COL17A1: variants seen among roughly 807,000 people sequenced by gnomAD.
The protein encoded by COL17A1 is collagen alpha-1(XVII) chain.
In COL17A1, 181 loss-of-function variants were observed where a neutral mutation model predicts 218.4. The ratio of observed to expected loss-of-function variants is 0.83; its 90% CI spans 0.73 to 0.94. The LOEUF is 0.94. Ranked by LOEUF, COL17A1 falls within the 40% of genes least tolerant of loss-of-function variation. The pLI is 0.00. For missense variants in COL17A1, 1,924 were observed against 1,945.9 expected (o/e 0.99, Z 0.21); for synonymous variants, 721 against 731.0 (o/e 0.99, Z 0.22).
At chr10:104,059,831 T>A in intron 14 of COL17A1, 113 bp from the exon 15 acceptor site, 1 of 1,159,492 alleles carries the variant, frequency 8.6e-7, no homozygotes, top group Non-Finnish European at 1.3e-6. Context: ...TAGGTTAGAC[T>A]GGTAAGAAGA....
rs758656318 is a variant in COL17A1, at chr10:104,034,809, G to A, written c.3620-42C>T. 80 of 1,601,192 alleles carry A rather than the reference G, an allele frequency of 5.0e-5. No individual in the cohort carries two copies. In the South Asian group the frequency reaches 7.4e-4, roughly 15 times the overall value. ...GAAAGAAAGGTCGGGGTAGTGCTGC[G>A]GAGGAAGCTGAATTCCCAGCCTGTG... On this transcript the variant is annotated intron_variant, in intron 50 of 55. Transcript: ENST00000648076.
intron 15 of COL17A1, among the ~76,000 whole-genome samples, chr10:104,059,127 T>A (rs1034664300): frequency 1.3e-5 from 2 of 152,230 alleles, no homozygotes; most frequent in Non-Finnish European, 2.9e-5. Context: ...TCTCTCACCT[T>A]GTTAAAGTGA....
In COL17A1 at chr10:104,034,046, TCTG is replaced by T; in HGVS notation, c.4052_4054del (p.Ala1351del). ...GCCATTGCCAGCATACATGCCGCCT[TCTG>T]CTGCTGCCCCATAGCCTCCGCCTGG... On this transcript the variant is annotated inframe_deletion, in exon 52 of 56. Transcript: ENST00000648076. 6.2e-7 allele frequency: 1 copy of T among 1,614,130 alleles called. No homozygotes were observed. Among genetic ancestry groups the T allele is most frequent in the Non-Finnish European group, 8.5e-7 (1 of 1,180,030 alleles).
chr10:104,057,288 G>A (rs1589568800), intron 16 of COL17A1, 116 bp from the exon 17 acceptor site: 1 of 1,520,312 alleles, frequency 6.6e-7, no homozygotes, highest in East Asian at 2.3e-5. Context: ...GGGCTTTCAA[G>A]TTCCTGTGCT....
In COL17A1 at chr10:104,053,030, C is replaced by A. The variant is rs760697124; in HGVS notation, c.1939+1G>T. 6.2e-7 allele frequency: 1 copy of A among 1,614,138 alleles called. No homozygotes were observed. The highest frequency in any genetic ancestry group is 1.3e-5 in the African/African-American group (1 of 75,044). ...CTGCCGGTGAAGGAATTGCCTCTTA[C>A]CTCTTTCCCCTTTCTCTCCAGATCC... On this transcript the variant is annotated splice_donor_variant, in intron 23 of 55. Transcript: ENST00000648076. LOFTEE classifies it high-confidence loss of function.
intron 36 of COL17A1, among the ~76,000 whole-genome samples, chr10:104,041,920 T>C (rs2086364662): frequency 6.6e-6 from 1 of 152,040 alleles, no homozygotes; most frequent in Non-Finnish European, 1.5e-5. Context: ...CAAAAAGATC[T>C]ACATCACGGG....
intron 47 of COL17A1, among the ~76,000 whole-genome samples, 169 bp downstream of exon 47, chr10:104,036,876 T>C (rs2086304931): frequency 6.6e-6 from 1 of 152,202 alleles, no homozygotes; most frequent in African/African-American, 2.4e-5. Flanking sequence ...TCCAGCCGGT[T>C]TGCTGACTCA....
chr10:104,080,545 G>A lies in COL17A1; in HGVS notation c.52+77C>T, dbSNP rs2086755946. The A allele has an allele frequency of 2.7e-6, 4 of 1,494,780 alleles. No individual in the cohort carries two copies. The South Asian group carries it at 4.6e-5, about 17-fold the overall frequency. The allele number at this position is 1,494,780 out of a possible 1,614,324, so 92.6% of individuals were successfully genotyped here. On this transcript the variant is annotated intron_variant, in intron 2 of 55. Transcript: ENST00000648076. ...CAGTGGTTGTGGTAGAATTATTAAT[G>A]AATTACTTATTCTGTTTCCAAATTT...
At chr10:104,070,741 A>C (rs2086662612) in intron 8 of COL17A1, among the ~76,000 whole-genome samples, 172 bp from the exon 9 acceptor site, 1 of 152,222 alleles carries the variant, frequency 6.6e-6, no homozygotes, top group Non-Finnish European at 1.5e-5. Flanking sequence ...AATGAATAGC[A>C]CTTATCAACT....
chr10:104,057,872 C>T (rs1334896950), intron 16 of COL17A1, among the ~76,000 whole-genome samples: 2 of 152,102 alleles, frequency 1.3e-5, no homozygotes, highest in East Asian at 3.9e-4. Context: ...TAGGAGACAA[C>T]CTAACTAACA....
intron 5 of COL17A1, among the ~76,000 whole-genome samples, chr10:104,074,857 C>G (rs936422282): frequency 6.6e-6 from 1 of 152,192 alleles, no homozygotes; most frequent in African/African-American, 2.4e-5. Context: ...ACACCAGCAC[C>G]AATCTCTTCT....
chr10:104,036,248 G>C lies in COL17A1; in HGVS notation c.3418+244C>G, dbSNP rs371037730. Among the ~76,000 whole-genome samples, 55 of 148,330 alleles carry C rather than the reference G, an allele frequency of 3.7e-4. No homozygotes were observed. In the South Asian group the frequency reaches 0.012, roughly 31 times the overall value. On this transcript the variant is annotated intron_variant, in intron 48 of 55. Transcript: ENST00000648076. Reference sequence around the variant, plus strand: ...TGTGTATGGGAGTGTGTGTGAGAGAGAGAGAGTTGTATGTAGACTCCACAC... The same window carrying C: ...TGTGTATGGGAGTGTGTGTGAGAGACAGAGAGTTGTATGTAGACTCCACAC...
rs1554849247 is a variant in COL17A1 at position 104,055,444 on chromosome 10, T to TCACACACACACA, written c.1688-55_1688-44dup. The stretch of plus-strand genomic sequence containing the variant: ...TCCTGAGTCAGCTTCACATCTCCTG[T>TCACACACACACA]CACACACACACACACACACACACAC... On this transcript the variant is annotated intron_variant, in intron 18 of 55. Transcript: ENST00000648076. The TCACACACACACA allele has an allele frequency of 3.2e-4, 364 of 1,131,456 alleles. No individual in the cohort carries two copies. In the African/African-American group the frequency reaches 4.8e-3, roughly 15 times the overall value. The allele number at this position is 1,131,456 out of a possible 1,614,324, so 70.1% of individuals were successfully genotyped here.
Position 104,035,518 on chromosome 10 carries a change from CCA to C in COL17A1, c.3462_3463del (p.Gly1155LeufsTer7). 12 of 1,614,066 alleles carry C rather than the reference CCA, an allele frequency of 7.4e-6. No homozygotes were observed. The highest frequency in any genetic ancestry group is 1.0e-5 in the Non-Finnish European group (12 of 1,179,984). ...CTCCTCATAGGAGGTTCCCGGCAAG[CCA>C]GGGGGCCCCGGGGGACCAGGAAGCC... On this transcript the variant is annotated frameshift_variant, in exon 49 of 56. Transcript: ENST00000648076. LOFTEE classifies it high-confidence loss of function.
rs777101041 is a variant in COL17A1 at position 104,039,656 on chromosome 10, A to C, written c.2789-16T>G. The stretch of plus-strand genomic sequence containing the variant: ...CCTTGCTCGCCTGAGGAACACACCA[A>C]GGGAGGGACAGTCAGCCTCACTTTT... On this transcript the variant is annotated splice_polypyrimidine_tract_variant and intron_variant, in intron 41 of 55. Coordinates refer to ENST00000648076, the MANE Select transcript of COL17A1 (RefSeq NM_000494.4). 3.7e-6 allele frequency: 6 copies of C among 1,613,970 alleles called. No homozygotes were observed. In the South Asian group the frequency reaches 4.4e-5, roughly 12 times the overall value.
At position 104,067,334 on chromosome 10, in the gene COL17A1, TAAAAA is replaced by T. The variant is rs58260510; in HGVS notation, c.608-2743_608-2739del. On this transcript the variant is annotated intron_variant, in intron 9 of 55. Transcript: ENST00000648076. ...CTGCATTTCTGCAGAGGCTCAGGAA[TAAAAA>T]AAAAAAAAAAAAAAAAAAATCAGGA... Among the ~76,000 whole-genome samples, 917 of 110,436 alleles carry T rather than the reference TAAAAA, an allele frequency of 8.3e-3. 9 individuals carry two copies. Among genetic ancestry groups the T allele is most frequent in the Non-Finnish European group, 9.7e-3 (566 of 58,274 alleles). The allele number at this position is 110,436 out of a possible 152,430, so 72.5% of individuals were successfully genotyped here.
chr10:104,055,671 G>C (rs2086515746), intron 18 of COL17A1, 111 bp downstream of exon 18: 1 of 1,443,712 alleles, frequency 6.9e-7, no homozygotes, highest in Admixed American at 1.9e-5. Context: ...GGAGGAGAGA[G>C]GCCGAGAGTG....
At chr10:104,034,546 G>A in intron 51 of COL17A1, 75 bp downstream of exon 51, 1 of 1,559,970 alleles carries the variant, frequency 6.4e-7, no homozygotes, top group Non-Finnish European at 8.7e-7. Context: ...CCCTTTAAGT[G>A]CCTCCCTGCC....
chr10:104,064,913 T>A (rs73329771), intron 9 of COL17A1, among the ~76,000 whole-genome samples: 1,784 of 152,318 alleles, frequency 0.012, 40 homozygotes, highest in African/African-American at 0.04. Context: ...ACCAATGGCA[T>A]TCCTCTCCAG....
Sources: allele counts gnomAD v4.1 joint callset (sites outside exome capture counted in the v4.1 genomes callset), GRCh38; gene constraint gnomAD v4.1.1; transcripts MANE v1.5; gene names NCBI Gene and HGNC (gene_info 2026-07-23, HGNC 2026-07-21).